Variants in RARA observed in about 807,000 individuals in gnomAD.
RARA encodes retinoic acid receptor alpha.
RARA carries 5 observed loss-of-function variants against 42.8 expected under a neutral mutation model. That is an observed-to-expected ratio of 0.12 (90% confidence interval 0.06 to 0.25). RARA has a LOEUF of 0.25. Ranked by LOEUF, RARA falls within the 10% of genes least tolerant of loss-of-function variation. The pLI is 1.00. For synonymous variants in RARA, 256 were observed against 259.5 expected (o/e 0.99, Z 0.13); for missense variants, 402 against 628.7 (o/e 0.64, Z 3.86).
chr17:40,353,349 C>G (rs575163892), intron 6 of RARA, among the ~76,000 whole-genome samples: 1 of 152,270 alleles, frequency 6.6e-6, no homozygotes, highest in South Asian at 2.1e-4. Context: ...GGAGGGAGCA[C>G]TCTCCTTCCT....
At chr17:40,321,774 G>T (rs1189982313) in intron 1 of RARA, among the ~76,000 whole-genome samples, 1 of 152,220 alleles carries the variant, frequency 6.6e-6, no homozygotes, top group East Asian at 1.9e-4. Flanking sequence ...AGCTTGCTAG[G>T]GAGGGGGCTG....
At chr17:40,324,467 G>A (rs1355355520) in intron 1 of RARA, among the ~76,000 whole-genome samples, 1 of 152,100 alleles carries the variant, frequency 6.6e-6, no homozygotes, top group African/African-American at 2.4e-5. Flanking sequence ...GGGATCTGGG[G>A]TATGGCCCCT....
chr17:40,317,390 T>C (rs2033237114), intron 1 of RARA, among the ~76,000 whole-genome samples: 1 of 152,022 alleles, frequency 6.6e-6, no homozygotes, highest in Non-Finnish European at 1.5e-5. Context: ...GTCATGACTG[T>C]ATTGGGGACT....
At chr17:40,336,125 G>A (rs1336730042) in intron 2 of RARA, among the ~76,000 whole-genome samples, 1 of 152,186 alleles carries the variant, frequency 6.6e-6, no homozygotes, top group Non-Finnish European at 1.5e-5. Context: ...GCCCAGGCTG[G>A]AGTACAGTGG....
chr17:40,344,192 G>C (rs1567758420), intron 2 of RARA, among the ~76,000 whole-genome samples: 1 of 152,000 alleles, frequency 6.6e-6, no homozygotes, highest in Non-Finnish European at 1.5e-5. Flanking sequence ...GAGATGGACA[G>C]ACAGCCCACC....
At chr17:40,309,804 A>C (rs909567812) in intron 1 of RARA, among the ~76,000 whole-genome samples, 1 of 152,196 alleles carries the variant, frequency 6.6e-6, no homozygotes, top group Non-Finnish European at 1.5e-5. Flanking sequence ...TTGGGTGGCT[A>C]AAGGCTTTGC....
chr17:40,354,455 A>T lies in RARA; in HGVS notation c.961A>T (p.Met321Leu), dbSNP rs2143527523. 6.5e-7 allele frequency: 1 copy of T among 1,545,334 alleles called. No homozygotes were observed. The highest frequency in any genetic ancestry group is 2.5e-5 in the East Asian group (1 of 39,834). ...CGCCAACCAGCTGCTGCCCCTGGAG[A>T]TGGATGATGCGGAGACGGGGCTGCT... is the stretch of plus-strand genomic sequence containing the variant. The part of the protein sequence containing the change: ...AFANQLLPLE[M>L]DDAETGLLSA... Residue 321 changes from methionine to leucine, a missense_variant, in exon 7 of 9, where the codon ATG becomes TTG. This residue lies in a region of RARA where 104 missense variants were observed against 160.1 expected (regional missense o/e 0.65). Transcript: ENST00000254066. The surrounding 1 kb of genome is among the most constrained non-coding windows in gnomAD (Gnocchi z 4.5).
chr17:40,321,193 G>T (rs987105932), intron 1 of RARA, among the ~76,000 whole-genome samples: 1 of 151,950 alleles, frequency 6.6e-6, no homozygotes, highest in African/African-American at 2.4e-5. Flanking sequence ...TGGTGTCCCC[G>T]CAGGGTGGGC....
At chr17:40,338,730 G>A (rs914795463) in intron 2 of RARA, among the ~76,000 whole-genome samples, 4 of 144,030 alleles carry the variant, frequency 2.8e-5, no homozygotes, top group Non-Finnish European at 6.0e-5. Context: ...AAAAAAAAGC[G>A]TGGGCACGGT....
chr17:40,334,316 T>A (rs2033784655), intron 2 of RARA, among the ~76,000 whole-genome samples: 1 of 151,640 alleles, frequency 6.6e-6, no homozygotes, highest in African/African-American at 2.4e-5. Flanking sequence ...GCCCCCTCCC[T>A]CTGTGAGCCT....
chr17:40,337,993 A>C (rs973347296), intron 2 of RARA, among the ~76,000 whole-genome samples: 2 of 152,244 alleles, frequency 1.3e-5, no homozygotes, highest in Admixed American at 6.5e-5. Flanking sequence ...AGAGTCAGAC[A>C]AAAGAACATG....
chr17:40,336,620 C>T lies in RARA; in HGVS notation c.178+5224C>T, dbSNP rs184309610. Among the ~76,000 whole-genome samples, 385 of 150,994 alleles carry T rather than the reference C, an allele frequency of 2.5e-3. 2 individuals carry two copies. The highest frequency in any genetic ancestry group is 3.6e-3 in the Middle Eastern group (1 of 276). On this transcript the variant is annotated intron_variant, in intron 2 of 8. Coordinates refer to ENST00000254066, the MANE Select transcript of RARA (RefSeq NM_000964.4). ...AGCCAGGATGGTCTCGATCTCCTGA[C>T]CTCCCAATCCGCCTGCCTCGGCCTC...
Position 40,356,026 on chromosome 17 carries a change from A to T in RARA, c.1189A>T (p.Thr397Ser), listed in dbSNP as rs1199779742. 1.2e-6 allele frequency: 2 copies of T among 1,603,042 alleles called. No homozygotes were observed. The highest frequency in any genetic ancestry group is 1.8e-4 in the Middle Eastern group (1 of 5,594). The change falls in exon 9 of 9, where the codon ACG becomes TCG. Residue 397 changes from threonine to serine, a missense_variant. This residue lies in a region of RARA where 104 missense variants were observed against 160.1 expected (regional missense o/e 0.65). Transcript: ENST00000254066. ...ISAKGAERVI[T>S]LKMEIPGSMP... ...TCCTGCAGGGGCTGAGCGGGTGATC[A>T]CGCTGAAGATGGAGATCCCGGGCTC...
chr17:40,315,634 CACTT>C (rs1305048251), intron 1 of RARA, among the ~76,000 whole-genome samples: 1 of 152,132 alleles, frequency 6.6e-6, no homozygotes, highest in Non-Finnish European at 1.5e-5. Flanking sequence ...TTCGGAGTAT[CACTT>C]AATGCTGTTC....
chr17:40,352,267 G>T lies in RARA; in HGVS notation c.631-64G>T. The T allele has an allele frequency of 1.3e-6, 2 of 1,541,426 alleles. No individual in the cohort carries two copies. The highest frequency in any genetic ancestry group is 8.8e-7 in the Non-Finnish European group (1 of 1,142,836). ...CTGGGTAGAGGGCAGGCCTGTGGGGGCTGGAGCCAGGCTGAGAAGGGGTGC... is the reference window on the plus strand; with the variant it reads ...CTGGGTAGAGGGCAGGCCTGTGGGGTCTGGAGCCAGGCTGAGAAGGGGTGC... On this transcript the variant is annotated intron_variant, in intron 5 of 8. Transcript: ENST00000254066. This position sits in a 1 kb window ranked among gnomAD's most constrained non-coding sequence, Gnocchi z 4.9.
At chr17:40,344,827 G>A (rs1210066642) in intron 2 of RARA, among the ~76,000 whole-genome samples, 1 of 152,196 alleles carries the variant, frequency 6.6e-6, no homozygotes, top group African/African-American at 2.4e-5. Flanking sequence ...GGCACAGGAA[G>A]GACCCGGAGT....
At chr17:40,333,829 G>T (rs976350489) in intron 2 of RARA, among the ~76,000 whole-genome samples, 4 of 152,102 alleles carry the variant, frequency 2.6e-5, no homozygotes, top group Non-Finnish European at 5.9e-5. Flanking sequence ...TAGAGACAAG[G>T]TCTCACCATG....
chr17:40,335,975 C>T (rs1314943159), intron 2 of RARA, among the ~76,000 whole-genome samples: 6 of 152,218 alleles, frequency 3.9e-5, no homozygotes, highest in Admixed American at 2.0e-4. Context: ...TGCACTCCAG[C>T]CTGGTGGGTG....
intron 2 of RARA, among the ~76,000 whole-genome samples, chr17:40,338,899 T>C (rs1268537771): frequency 1.3e-5 from 2 of 151,884 alleles, no homozygotes; most frequent in African/African-American, 4.8e-5. Context: ...ACACCTGTAA[T>C]CCCAGCTACT....
Sources: gnomAD v4.1 joint callset for allele counts (sites outside exome capture counted in the v4.1 genomes callset) on GRCh38, gnomAD v4.1.1 for gene constraint, gnomAD v4.1.1 regional missense constraint, Gnocchi (gnomAD v3.1) non-coding constraint, MANE v1.5 for transcripts, NCBI Gene and HGNC (gene_info 2026-07-23, HGNC 2026-07-21) for gene names.